The following RCOR1 variants were observed in gnomAD, a reference collection of about 807,000 sequenced individuals.
RCOR1 encodes the protein REST corepressor 1.
A neutral mutation model predicts 64.0 loss-of-function variants in RCOR1; 12 were observed. The ratio of observed to expected loss-of-function variants is 0.19; its 90% CI spans 0.12 to 0.30. RCOR1 has a LOEUF of 0.30. RCOR1 is among the 10% of genes least tolerant of loss of function. The pLI is 1.00. For synonymous variants in RCOR1, 279 were observed against 227.2 expected, an observed-to-expected ratio of 1.23 and a Z score of -2.05; for missense variants, 502 against 621.2, an observed-to-expected ratio of 0.81 and a Z score of 2.04.
At chr14:102,603,497 G>A (rs914708181) in intron 2 of RCOR1, among the ~76,000 whole-genome samples, 1 of 151,982 alleles carries the variant, frequency 6.6e-6, no homozygotes, top group African/African-American at 2.4e-5. Flanking sequence ...GCTAATATTT[G>A]TATTTTTTGT....
At chr14:102,696,176 C>T (rs901972898) in intron 3 of RCOR1, among the ~76,000 whole-genome samples, 1 of 152,016 alleles carries the variant, frequency 6.6e-6, no homozygotes, top group African/African-American at 2.4e-5. Flanking sequence ...TCTTCTGTTG[C>T]CTGTGTGTTG....
chr14:102,621,671 A>G (rs1043120905), intron 2 of RCOR1, among the ~76,000 whole-genome samples: 2 of 151,202 alleles, frequency 1.3e-5, no homozygotes, highest in African/African-American at 4.8e-5. Flanking sequence ...TTGTGTGTAG[A>G]CATTGCTCAG....
chr14:102,638,901 G>C (rs1488144415), intron 2 of RCOR1, among the ~76,000 whole-genome samples: 2 of 152,202 alleles, frequency 1.3e-5, no homozygotes, highest in Admixed American at 1.3e-4. Context: ...GATGTCAGGT[G>C]CTCCGCCTGC....
rs549191615 is a variant in RCOR1 at position 102,622,646 on chromosome 14, C to T, written c.361+29321C>T. 6.6e-5 allele frequency among the ~76,000 whole-genome samples: 10 copies of T among 152,244 alleles called. No homozygotes were observed. The South Asian group carries it at 2.1e-3, about 31-fold the overall frequency. On this transcript the variant is annotated intron_variant, in intron 2 of 11. Coordinates refer to ENST00000262241, the MANE Select transcript of RCOR1 (RefSeq NM_015156.4). ...TCTTCTGTGATTTCCGCCCCCCGCC[C>T]CACACATTCTTATTCTGACTGAAAA... is the stretch of plus-strand genomic sequence containing the variant.
At position 102,730,044 on chromosome 14, in the gene RCOR1, A is replaced by C. The variant is rs966937312; in HGVS notation, c.*3538A>C. 1 of 398,962 alleles carries C rather than the reference A, an allele frequency of 2.5e-6. No homozygotes were observed. The highest frequency in any genetic ancestry group is 2.1e-5 in the African/African-American group (1 of 48,636). 24.7% of individuals were successfully genotyped at this position (398,962 alleles called of 1,614,324 possible). On this transcript the variant is annotated 3_prime_UTR_variant, in exon 12 of 12. Coordinates refer to ENST00000262241, the MANE Select transcript of RCOR1 (RefSeq NM_015156.4). ...TCTCTTACCTGTCTTACCTGTAGTA[A>C]AGCACAATTGCAGTGGCGTCGCATT...
intron 2 of RCOR1, among the ~76,000 whole-genome samples, chr14:102,608,213 A>T (rs910027917): frequency 6.6e-6 from 1 of 152,180 alleles, no homozygotes; most frequent in Non-Finnish European, 1.5e-5. Flanking sequence ...AGAATGAGTT[A>T]CTTCTTATTC....
intron 3 of RCOR1, among the ~76,000 whole-genome samples, chr14:102,687,087 G>A (rs950825120): frequency 2.2e-4 from 33 of 152,278 alleles, no homozygotes; most frequent in African/African-American, 5.5e-4. Flanking sequence ...TACGGAATTC[G>A]TGTTTATCTA....
At chr14:102,597,264 C>G (rs1377550952) in intron 2 of RCOR1, among the ~76,000 whole-genome samples, 2 of 151,828 alleles carry the variant, frequency 1.3e-5, no homozygotes, top group African/African-American at 4.8e-5. Context: ...AGCTTTTTTT[C>G]TTTTCTTTTT....
chr14:102,663,514 CTGGGTTATGGTGATATTGGGAGTAAT>C (rs1229530141), intron 2 of RCOR1, among the ~76,000 whole-genome samples: 1 of 152,162 alleles, frequency 6.6e-6, no homozygotes, highest in East Asian at 1.9e-4. Context: ...GAAGTTTTCT[CTGGGTTATGGTGATATTGGGAGTAAT>C]TGTGTTATAG....
At chr14:102,626,784 T>C (rs1489734727) in intron 2 of RCOR1, among the ~76,000 whole-genome samples, 1 of 152,184 alleles carries the variant, frequency 6.6e-6, no homozygotes, top group Non-Finnish European at 1.5e-5. Flanking sequence ...GGATTTTGCT[T>C]GTGCTGCTGA....
At chr14:102,593,808 C>T (rs1893187201) in intron 2 of RCOR1, among the ~76,000 whole-genome samples, 1 of 152,202 alleles carries the variant, frequency 6.6e-6, no homozygotes, top group Non-Finnish European at 1.5e-5. Flanking sequence ...TTGCTGGCTC[C>T]TGACTGCCCT....
intron 2 of RCOR1, among the ~76,000 whole-genome samples, chr14:102,634,473 C>T (rs888483705): frequency 6.6e-6 from 1 of 152,016 alleles, no homozygotes; most frequent in African/African-American, 2.4e-5. Flanking sequence ...CTGAACAAGT[C>T]ACTTGTCAGA....
At chr14:102,610,620 T>C (rs1470151161) in intron 2 of RCOR1, among the ~76,000 whole-genome samples, 1 of 152,128 alleles carries the variant, frequency 6.6e-6, no homozygotes. Context: ...TGGAGTGCAG[T>C]GGCGCCATCT....
At chr14:102,617,953 A>G (rs1000589878) in intron 2 of RCOR1, among the ~76,000 whole-genome samples, 1 of 146,862 alleles carries the variant, frequency 6.8e-6, no homozygotes, top group East Asian at 2.0e-4. Flanking sequence ...CTACACTTAC[A>G]TAAGTTTCTT....
rs1220620122 is a variant in RCOR1, at chr14:102,726,979, CAACCA to C, written c.*474_*478del. Reference sequence around the variant, plus strand: ...AAGTTTCTTTTGTTCTTTTCTGAGACAACCACCTAAGTGATAATACGCTTTTTTGG... The same window carrying C: ...AAGTTTCTTTTGTTCTTTTCTGAGACCCTAAGTGATAATACGCTTTTTTGG... On this transcript the variant is annotated 3_prime_UTR_variant, in exon 12 of 12. Transcript: ENST00000262241. 6.3e-6 allele frequency: 1 copy of C among 158,406 alleles called. No homozygotes were observed. Among genetic ancestry groups the C allele is most frequent in the Non-Finnish European group, 1.4e-5 (1 of 72,462 alleles). The allele number at this position is 158,406 out of a possible 1,614,324, so 9.8% of individuals were successfully genotyped here.
chr14:102,640,101 T>C (rs1371768646), intron 2 of RCOR1, among the ~76,000 whole-genome samples: 1 of 152,184 alleles, frequency 6.6e-6, no homozygotes, highest in Admixed American at 6.5e-5. Context: ...TGCCTCAGCT[T>C]CCCAGAGTGC....
At chr14:102,699,276 T>A (rs1287917160) in intron 3 of RCOR1, among the ~76,000 whole-genome samples, 1 of 152,240 alleles carries the variant, frequency 6.6e-6, no homozygotes, top group Non-Finnish European at 1.5e-5. Flanking sequence ...TAAATTGAAA[T>A]TTTACTGTAA....
At chr14:102,698,358 C>T (rs1287161431) in intron 3 of RCOR1, among the ~76,000 whole-genome samples, 1 of 152,194 alleles carries the variant, frequency 6.6e-6, no homozygotes, top group East Asian at 1.9e-4. Flanking sequence ...GCAGGACTAG[C>T]CCCTGTGCTG....
At position 102,704,722 on chromosome 14, in the gene RCOR1, G is replaced by T. The variant is rs1455228961; in HGVS notation, c.499-2629G>T. Among the ~76,000 whole-genome samples the T allele has an allele frequency of 2.6e-5, 4 of 152,314 alleles. No homozygotes were observed. In the South Asian group the frequency reaches 8.3e-4, roughly 32 times the overall value. On this transcript the variant is annotated intron_variant, in intron 4 of 11. Transcript: ENST00000262241. Reference sequence around the variant, plus strand: ...TGGGATTATAGGCGTGAGCCACCGCGCCCAGCCCCCTTCTAGGATTTTTAG... The same window carrying T: ...TGGGATTATAGGCGTGAGCCACCGCTCCCAGCCCCCTTCTAGGATTTTTAG...
Sources: gnomAD v4.1 joint callset for allele counts (sites outside exome capture counted in the v4.1 genomes callset) on GRCh38, gnomAD v4.1.1 for gene constraint, MANE v1.5 for transcripts, NCBI Gene and HGNC (gene_info 2026-07-23, HGNC 2026-07-21) for gene names.